The following ANKHD1 variants were observed in gnomAD, a reference collection of about 807,000 sequenced individuals.
ANKHD1 encodes the protein ankyrin repeat and KH domain containing 1, also known as ankyrin repeat and KH domain-containing protein 1.
Under a neutral mutation model 230.5 loss-of-function variants are expected in ANKHD1, and 31 were observed. That is an observed-to-expected ratio of 0.13 (90% CI 0.10 to 0.18). The LOEUF (loss-of-function observed/expected upper bound fraction) is 0.18, where lower values mean the gene tolerates loss of function less well. Ranked by LOEUF, ANKHD1 falls within the 10% of genes least tolerant of loss-of-function variation. ANKHD1 has a pLI of 1.00. For synonymous variants in ANKHD1, 1,074 were observed against 1,117.6 expected, an observed-to-expected ratio of 0.96 and a Z score of 0.78; for missense variants, 2,256 against 3,071.3, an observed-to-expected ratio of 0.73 and a Z score of 6.27.
chr5:140,466,942 A>T (rs889183026), intron 10 of ANKHD1, among the ~76,000 whole-genome samples: 6 of 152,160 alleles, frequency 3.9e-5, no homozygotes, highest in African/African-American at 1.4e-4. Flanking sequence ...CTGGGAGAAA[A>T]AAAAAAAAGG....
At chr5:140,418,148 T>G (rs1771565722) in intron 1 of ANKHD1, among the ~76,000 whole-genome samples, 1 of 149,010 alleles carries the variant, frequency 6.7e-6, no homozygotes, top group African/African-American at 2.5e-5. Flanking sequence ...AGCCTTCTTT[T>G]TTTTTTTTTT....
chr5:140,441,007 A>G lies in ANKHD1; in HGVS notation c.778A>G (p.Met260Val). The change falls in exon 5 of 34, where the codon ATG (methionine) becomes GTG (valine). Residue 260 changes from methionine to valine, a missense_variant. Physicochemically the swap from Met to Val is conservative, Grantham distance 21. Transcript: ENST00000360839. The part of the protein sequence containing the change: ...YYELAQVLLA[M>V]HANVEDRGNK... ...ATGTGTTTTAAAGGTATTGCTTGCT[A>G]TGCATGCTAATGTTGAAGATCGAGG... 3 of 1,605,364 alleles carry G rather than the reference A, an allele frequency of 1.9e-6. No individual in the cohort carries two copies. The highest frequency in any genetic ancestry group is 1.7e-6 in the Non-Finnish European group (2 of 1,177,270).
intron 11 of ANKHD1, among the ~76,000 whole-genome samples, chr5:140,483,519 G>A (rs1173494052): frequency 5.6e-5 from 8 of 144,030 alleles, no homozygotes; most frequent in Admixed American, 4.4e-4. Context: ...GTGCAATGGC[G>A]CCAACTTGGC....
rs1773208821 is a variant in ANKHD1, at chr5:140,433,410, A to G, written c.307-2694A>G. 2.0e-5 allele frequency among the ~76,000 whole-genome samples: 3 copies of G among 152,322 alleles called. No homozygotes were observed. The South Asian group carries it at 6.2e-4, about 32-fold the overall frequency. On this transcript the variant is annotated intron_variant, in intron 1 of 33. Transcript: ENST00000360839. ...CATTTTCTGCCTCTATCTGAAATAT[A>G]CTTCCTCTTCTGCCCACCTCTACCC...
At chr5:140,508,239 A>G (rs900588703) in intron 20 of ANKHD1, among the ~76,000 whole-genome samples, 4 of 152,184 alleles carry the variant, frequency 2.6e-5, no homozygotes, top group South Asian at 2.1e-4. Flanking sequence ...GTAGCTTTCT[A>G]TTAATACTGC....
chr5:140,406,934 A>G (rs905074796), intron 1 of ANKHD1, among the ~76,000 whole-genome samples: 8 of 152,190 alleles, frequency 5.3e-5, no homozygotes, highest in Admixed American at 5.2e-4. Context: ...TAGAAGAGCT[A>G]GCACTGCATT....
intron 1 of ANKHD1, among the ~76,000 whole-genome samples, chr5:140,405,531 A>C (rs1479770080): frequency 1.3e-5 from 2 of 152,166 alleles, no homozygotes; most frequent in Non-Finnish European, 2.9e-5. Context: ...TTGAATTTTC[A>C]GTGTGAAAAG....
At chr5:140,469,317 C>T (rs1446729465) in intron 10 of ANKHD1, among the ~76,000 whole-genome samples, 2 of 137,894 alleles carry the variant, frequency 1.5e-5, no homozygotes, top group Non-Finnish European at 3.1e-5. Context: ...GCCTGGGCAA[C>T]GTGGTGAAAA....
At position 140,526,460 on chromosome 5, in the gene ANKHD1, T is replaced by G. The variant is rs1224789719; in HGVS notation, c.4940+17T>G. On this transcript the variant is annotated intron_variant, in intron 26 of 33. Transcript: ENST00000360839. ...TCAGACACGGTAAATTTTTCTGATT[T>G]GTTAACTCTACCTGCACCTTTCCTT... 1 of 1,592,430 alleles carries G rather than the reference T, an allele frequency of 6.3e-7. No individual in the cohort carries two copies. The highest frequency in any genetic ancestry group is 8.5e-7 in the Non-Finnish European group (1 of 1,170,466).
At chr5:140,415,962 G>C (rs984979401) in intron 1 of ANKHD1, among the ~76,000 whole-genome samples, 4 of 151,690 alleles carry the variant, frequency 2.6e-5, no homozygotes, top group African/African-American at 9.7e-5. Flanking sequence ...GACAGGCCCC[G>C]GTGTGTGATG....
In ANKHD1 at chr5:140,458,785, A is replaced by G. The variant is rs137981861; in HGVS notation, c.1403A>G (p.Asn468Ser). 2 of 1,613,260 alleles carry G rather than the reference A, an allele frequency of 1.2e-6. No individual in the cohort carries two copies. Among genetic ancestry groups the G allele is most frequent in the East Asian group, 2.2e-5 (1 of 44,818 alleles). ...IERGANLEEV[N>S]DEGYTPLMEA... is the part of the protein sequence containing the mutation. ...AGGGGAGCAAATCTTGAAGAAGTTA[A>G]TGATGAAGGATACACTCCCTTGATG... Residue 468 changes from asparagine (N) to serine (S), a missense_variant, in exon 8 of 34, where the codon AAT (asparagine) becomes AGT (serine). Around this residue, in one of 13 missense-constraint regions of ANKHD1, gnomAD observed 179 missense variants for 261.8 expected, o/e 0.68. Coordinates refer to ENST00000360839, the MANE Select transcript of ANKHD1 (RefSeq NM_017747.3).
intron 24 of ANKHD1, among the ~76,000 whole-genome samples, chr5:140,519,161 G>A (rs1385730331): frequency 6.6e-6 from 1 of 152,126 alleles, no homozygotes; most frequent in South Asian, 2.1e-4. Context: ...CAAATCATGA[G>A]TGAACTCCCA....
chr5:140,493,216 C>T (rs1011959560), intron 14 of ANKHD1, among the ~76,000 whole-genome samples: 3 of 152,156 alleles, frequency 2.0e-5, no homozygotes, highest in African/African-American at 7.2e-5. Context: ...CATGCGCCAC[C>T]ACACCGGGCT....
chr5:140,473,906 G>A (rs1750812599), intron 10 of ANKHD1, among the ~76,000 whole-genome samples: 1 of 152,132 alleles, frequency 6.6e-6, no homozygotes, highest in Admixed American at 6.5e-5. Flanking sequence ...CACGTTTACA[G>A]GTTCAGATTC....
At chr5:140,486,831 A>G in intron 13 of ANKHD1, 127 bp from the exon 14 acceptor site, 1 of 901,430 alleles carries the variant, frequency 1.1e-6, no homozygotes, top group Admixed American at 3.5e-5. Context: ...TTTTAAAAAA[A>G]GCTTCAGGAA....
At chr5:140,514,188 A>T (rs796170010) in intron 24 of ANKHD1, among the ~76,000 whole-genome samples, 1,333 of 85,490 alleles carry the variant, frequency 0.016, 14 homozygotes, top group African/African-American at 0.045. Context: ...TCTCTCTATT[A>T]AAAAAAAAAA....
chr5:140,419,687 T>C (rs1463209258), intron 1 of ANKHD1, among the ~76,000 whole-genome samples: 1 of 151,652 alleles, frequency 6.6e-6, no homozygotes, highest in Non-Finnish European at 1.5e-5. Context: ...CTTGAGGTCT[T>C]GAACTCCTAA....
In ANKHD1 at chr5:140,539,692, A is replaced by G. The variant is rs760967314; in HGVS notation, c.*274A>G. 6.3e-6 allele frequency: 2 copies of G among 316,904 alleles called. No individual in the cohort carries two copies. Among genetic ancestry groups the G allele is most frequent in the African/African-American group, 2.2e-5 (1 of 46,488 alleles). The allele number at this position is 316,904 out of a possible 1,614,324, so 19.6% of individuals were successfully genotyped here. A position where few individuals can be genotyped will look rare whatever the true frequency, so the allele number is the denominator to read the frequency against. On this transcript the variant is annotated 3_prime_UTR_variant, in exon 34 of 34. Transcript: ENST00000360839. Reference sequence around the variant, plus strand: ...ATGCAGAAGAGAATTAGTTGATTACATGTTTCAACCTTTTAGGGTGATAAA... The same window carrying G: ...ATGCAGAAGAGAATTAGTTGATTACGTGTTTCAACCTTTTAGGGTGATAAA...
chr5:140,458,473 G>A (rs1775387699), intron 7 of ANKHD1, 152 bp from the exon 8 acceptor site: 1 of 662,430 alleles, frequency 1.5e-6, no homozygotes, highest in Non-Finnish European at 2.3e-6. Flanking sequence ...AGGCTCAGAT[G>A]AGCATGATAA....
Sources: allele counts gnomAD v4.1 joint callset (sites outside exome capture counted in the v4.1 genomes callset), GRCh38; gene constraint gnomAD v4.1.1; regional missense constraint gnomAD v4.1.1; transcripts MANE v1.5; gene names NCBI Gene and HGNC (gene_info 2026-07-23, HGNC 2026-07-21).